Variants in CLEC16A observed in about 807,000 individuals in gnomAD.
CLEC16A encodes C-type lectin domain containing 16A.
CLEC16A carries 51 observed loss-of-function variants against 109.5 expected under a neutral mutation model. The observed-to-expected ratio is 0.47, with a 90% CI of 0.37 to 0.59. CLEC16A has a LOEUF of 0.59. Ranked by LOEUF, CLEC16A falls within the 20% of genes least tolerant of loss-of-function variation. CLEC16A has a pLI of 0.00. For synonymous variants in CLEC16A, 673 were observed against 564.2 expected (o/e 1.19, Z -2.73); for missense variants, 1,339 against 1,394.0 (o/e 0.96, Z 0.63).
intron 5 of CLEC16A, among the ~76,000 whole-genome samples, chr16:10,972,329 G>A (rs1388265608): frequency 6.6e-6 from 1 of 152,186 alleles, no homozygotes; most frequent in Non-Finnish European, 1.5e-5. Context: ...AGCCAACGTG[G>A]CAGGCTTGTA....
At chr16:11,076,951 C>T (rs1014877072) in intron 19 of CLEC16A, among the ~76,000 whole-genome samples, 1 of 152,204 alleles carries the variant, frequency 6.6e-6, no homozygotes, top group African/African-American at 2.4e-5. Flanking sequence ...TAGGCAGAAA[C>T]GCTGAAAAGT....
At chr16:11,026,978 C>A (rs1597107313) in intron 13 of CLEC16A, 2 of 1,538,938 alleles carry the variant, frequency 1.3e-6, no homozygotes, top group East Asian at 4.5e-5. Flanking sequence ...GCTGTCTTTC[C>A]CATGTGGTGG....
In CLEC16A at chr16:11,023,438, C is replaced by T. The variant is rs188905683; in HGVS notation, c.1437-1383C>T. ...GTGTTATTGCTGGAGGCTTTCAAAA[C>T]CCAAATCTACACATGGCAAAACTAT... On this transcript the variant is annotated intron_variant, in intron 12 of 23. Coordinates refer to ENST00000409790, the MANE Select transcript of CLEC16A (RefSeq NM_015226.3). Among the ~76,000 whole-genome samples the T allele has an allele frequency of 1.0e-3, 158 of 152,262 alleles. 1 individual carries two copies. In the East Asian group the frequency reaches 0.013, roughly 12 times the overall value.
intron 15 of CLEC16A, among the ~76,000 whole-genome samples, chr16:11,043,010 T>A (rs1467998080): frequency 6.6e-6 from 1 of 151,744 alleles, no homozygotes; most frequent in Non-Finnish European, 1.5e-5. Context: ...TATATGTAAA[T>A]GAAACATCTA....
At chr16:11,027,300 A>C (rs2046464253) in intron 13 of CLEC16A, 1 of 1,522,942 alleles carries the variant, frequency 6.6e-7, no homozygotes. Flanking sequence ...TGTTGTACGC[A>C]TCGAAAGGAT....
chr16:11,128,104 G>A (rs1463225606), intron 22 of CLEC16A, among the ~76,000 whole-genome samples: 1 of 152,180 alleles, frequency 6.6e-6, no homozygotes, highest in Non-Finnish European at 1.5e-5. Flanking sequence ...CTTCTTTAGG[G>A]TCATTGAGGC....
At chr16:11,017,596 C>T (rs1438519613) in intron 11 of CLEC16A, among the ~76,000 whole-genome samples, 1 of 152,180 alleles carries the variant, frequency 6.6e-6, no homozygotes, top group Non-Finnish European at 1.5e-5. Context: ...AGTGACTTCA[C>T]AGTGGCGAAA....
At chr16:10,992,472 C>T (rs1467806281) in intron 10 of CLEC16A, among the ~76,000 whole-genome samples, 4 of 151,564 alleles carry the variant, frequency 2.6e-5, no homozygotes, top group South Asian at 2.1e-4. Context: ...CATTACATGA[C>T]GTACACATAT....
intron 11 of CLEC16A, among the ~76,000 whole-genome samples, chr16:11,003,996 A>G (rs1474677375): frequency 1.3e-5 from 2 of 151,046 alleles, no homozygotes; most frequent in Non-Finnish European, 3.0e-5. Context: ...AAAAGTGTTT[A>G]GTATTTTTAA....
intron 10 of CLEC16A, among the ~76,000 whole-genome samples, chr16:10,987,159 A>G (rs1002835474): frequency 2.6e-5 from 4 of 151,576 alleles, no homozygotes; most frequent in African/African-American, 9.7e-5. Context: ...CCCAGCTTTT[A>G]TGCAGTTTTT....
Position 10,958,802 on chromosome 16 carries a change from G to C in CLEC16A, c.209+892G>C, listed in dbSNP as rs534533617. Among the ~76,000 whole-genome samples the C allele has an allele frequency of 5.3e-5, 8 of 152,276 alleles. No individual in the cohort carries two copies. In the East Asian group the frequency reaches 1.4e-3, roughly 26 times the overall value. On this transcript the variant is annotated intron_variant, in intron 2 of 23. Coordinates refer to ENST00000409790, the MANE Select transcript of CLEC16A (RefSeq NM_015226.3). ...GCCTGTGTTCCCAGCTACTCAGAAG[G>C]TTGAGGTGGGAGGATTGCCTGAGCC...
chr16:11,008,072 A>G (rs1214169808), intron 11 of CLEC16A, among the ~76,000 whole-genome samples: 1 of 152,186 alleles, frequency 6.6e-6, no homozygotes, highest in Non-Finnish European at 1.5e-5. Flanking sequence ...CACTTAGCGC[A>G]CACACTCTCG....
intron 3 of CLEC16A, among the ~76,000 whole-genome samples, chr16:10,966,646 T>A (rs994687377): frequency 2.0e-5 from 3 of 152,162 alleles, no homozygotes; most frequent in African/African-American, 7.2e-5. Flanking sequence ...CTTACAATCA[T>A]GGCAGAAGGT....
intron 18 of CLEC16A, among the ~76,000 whole-genome samples, chr16:11,052,923 G>T (rs562915713): frequency 6.6e-6 from 1 of 152,120 alleles, no homozygotes; most frequent in East Asian, 1.9e-4. Context: ...GGAGGCTGCA[G>T]TGAGCTGTGA....
chr16:11,135,487 C>T (rs976504066), intron 22 of CLEC16A, among the ~76,000 whole-genome samples: 2 of 152,192 alleles, frequency 1.3e-5, no homozygotes, highest in African/African-American at 4.8e-5. Flanking sequence ...GCCATCTTGC[C>T]CAGATGCTTT....
chr16:10,963,843 G>C (rs557738596), intron 3 of CLEC16A, among the ~76,000 whole-genome samples: 9 of 152,336 alleles, frequency 5.9e-5, no homozygotes, highest in African/African-American at 1.9e-4. Flanking sequence ...GGGTGCTGCT[G>C]ACATCTAGTG....
rs45612236 is a variant in CLEC16A, at chr16:10,944,839, G to A, written c.80+42G>A. On this transcript the variant is annotated intron_variant, in intron 1 of 23. Coordinates refer to ENST00000409790, the MANE Select transcript of CLEC16A (RefSeq NM_015226.3). ...TAGCGGGAGGCCTCGGGGCTGGACA[G>A]GGGGACGGGGCGCCGAGCTCCGGGT... 754 of 1,523,644 alleles carry A rather than the reference G, an allele frequency of 4.9e-4. No individual in the cohort carries two copies. The Middle Eastern group carries it at 8.1e-3, about 16-fold the overall frequency. The allele number at this position is 1,523,644 out of a possible 1,614,324, so 94.4% of individuals were successfully genotyped here. A position where few individuals can be genotyped will look rare whatever the true frequency, so the allele number is the denominator to read the frequency against.
chr16:11,100,985 T>C (rs1366133283), intron 19 of CLEC16A, among the ~76,000 whole-genome samples: 2 of 152,210 alleles, frequency 1.3e-5, no homozygotes, highest in Non-Finnish European at 2.9e-5. Flanking sequence ...AGACCTTCAT[T>C]TTCAGCCCTG....
At chr16:11,125,690 T>A (rs1205534321) in intron 21 of CLEC16A, among the ~76,000 whole-genome samples, 1 of 152,184 alleles carries the variant, frequency 6.6e-6, no homozygotes. Context: ...AAAGTGGAAA[T>A]TGACCCAGCT....
Sources: allele counts gnomAD v4.1 joint callset (sites outside exome capture counted in the v4.1 genomes callset), GRCh38; gene constraint gnomAD v4.1.1; transcripts MANE v1.5; gene names NCBI Gene and HGNC (gene_info 2026-07-23, HGNC 2026-07-21).